Variants in TMEM74 observed in about 807,000 individuals in gnomAD.
The protein encoded by TMEM74 is transmembrane protein 74.
In TMEM74, 13 loss-of-function variants were observed where a neutral mutation model predicts 18.1. The observed-to-expected ratio is 0.72, with a 90% CI of 0.47 to 1.14. TMEM74 has a LOEUF of 1.14. TMEM74 is among the 50% of genes most tolerant of loss of function. The probability of loss-of-function intolerance (pLI) is 0.00; values close to 1 mark genes in which losing one functional copy is unlikely to be tolerated. For synonymous variants in TMEM74, 159 were observed against 146.6 expected (o/e 1.08, Z -0.61); for missense variants, 372 against 375.9 (o/e 0.99, Z 0.09).
At chr8:108,636,018 A>G (rs1205279926) in intron 2 of TMEM74, among the ~76,000 whole-genome samples, 2 of 152,062 alleles carry the variant, frequency 1.3e-5, no homozygotes, top group Non-Finnish European at 2.9e-5. Context: ...GTCCTTTCAT[A>G]TACATTATCT....
intron 2 of TMEM74, among the ~76,000 whole-genome samples, chr8:108,636,309 C>G (rs1379650096): frequency 6.6e-6 from 1 of 151,998 alleles, no homozygotes. Flanking sequence ...CAATTCTGTT[C>G]CCTTAGTTTG....
In TMEM74 at chr8:108,657,862, ATATATATATATATATATATATATAT is replaced by A. The variant is rs1812856039; in HGVS notation, n.120-2450_120-2426del. Among the ~76,000 whole-genome samples, 8 of 48,450 alleles carry A rather than the reference ATATATATATATATATATATATATAT, an allele frequency of 1.7e-4. 1 individual carries two copies. Among genetic ancestry groups the A allele is most frequent in the Admixed American group, 1.1e-3 (4 of 3,504 alleles). The allele number at this position is 48,450 out of a possible 152,430, so 31.8% of individuals were successfully genotyped here. On this transcript the variant is annotated intron_variant and non_coding_transcript_variant, in intron 1 of 3. Coordinates refer to the TMEM74 transcript ENST00000518838. Reference sequence around the variant, plus strand: ...CGTCTCAAAAAAAAAAAAAAAAAATATATATATATATATATATATATATATATATATATATATATATTAATTACAT... The same window carrying A: ...CGTCTCAAAAAAAAAAAAAAAAAATAATATATATATATATATTAATTACAT...
chr8:108,784,979 G>T lies in TMEM74; in HGVS notation c.120C>A (p.Leu40=). The T allele has an allele frequency of 6.2e-7, 1 of 1,614,142 alleles. No homozygotes were observed. The highest frequency in any genetic ancestry group is 8.5e-7 in the Non-Finnish European group (1 of 1,180,036). The change falls in exon 2 of 2, where the codon CTC becomes CTA. Residue 40 remains leucine, a synonymous_variant. Coordinates refer to ENST00000297459, the MANE Select transcript of TMEM74 (RefSeq NM_153015.3). The stretch of plus-strand genomic sequence containing the variant: ...TGGATGCACACTGTTTCTGACAGCA[G>T]AGAGCAGCTCTTGTGGCTGCTGTAT... The part of the protein sequence containing the change: ...QADTAATRAA[L]CCQKQCASTP...
At chr8:108,625,344 C>T (rs1243856747) in intron 2 of TMEM74, among the ~76,000 whole-genome samples, 1 of 151,988 alleles carries the variant, frequency 6.6e-6, no homozygotes, top group African/African-American at 2.4e-5. Flanking sequence ...CCATAAAGAA[C>T]AAATCAAAAT....
intron 1 of TMEM74, among the ~76,000 whole-genome samples, chr8:108,700,661 C>T (rs1469496017): frequency 6.6e-6 from 1 of 152,034 alleles, no homozygotes; most frequent in South Asian, 2.1e-4. Flanking sequence ...ATACATGGGG[C>T]ATTTAATCAT....
At chr8:108,743,565 G>GT (rs1554576568) in intron 1 of TMEM74, among the ~76,000 whole-genome samples, 1 of 152,122 alleles carries the variant, frequency 6.6e-6, no homozygotes, top group Non-Finnish European at 1.5e-5. Flanking sequence ...TTGAAAGGAG[G>GT]TAAGAGGAAA....
At chr8:108,703,973 T>C (rs1052489814) in intron 1 of TMEM74, among the ~76,000 whole-genome samples, 1 of 152,208 alleles carries the variant, frequency 6.6e-6, no homozygotes, top group African/African-American at 2.4e-5. Flanking sequence ...GTTCCCCTAC[T>C]GTGAATAAAT....
rs1331594936 is a variant in TMEM74, at chr8:108,780,551, A to T, written c.*3630T>A. ...AAGGCACACATAAGTTTGGCAGCGC[A>T]GTCTCTTTTCAGAAATTGTACCTTG... is the stretch of plus-strand genomic sequence containing the variant. On this transcript the variant is annotated 3_prime_UTR_variant, in exon 2 of 2. Transcript: ENST00000297459. 6.6e-6 allele frequency among the ~76,000 whole-genome samples: 1 copy of T among 152,234 alleles called. No individual in the cohort carries two copies. Among genetic ancestry groups the T allele is most frequent in the Admixed American group, 6.5e-5 (1 of 15,276 alleles).
At chr8:108,719,985 G>A (rs1159937393) in intron 1 of TMEM74, among the ~76,000 whole-genome samples, 1 of 152,040 alleles carries the variant, frequency 6.6e-6, no homozygotes, top group African/African-American at 2.4e-5. Context: ...TACTAATTGA[G>A]TTTCTACATT....
chr8:108,631,244 T>C (rs983297212), intron 2 of TMEM74, among the ~76,000 whole-genome samples: 2 of 151,954 alleles, frequency 1.3e-5, no homozygotes, highest in South Asian at 2.1e-4. Flanking sequence ...AGATGCTTAA[T>C]AAAAAGTGTC....
intron 2 of TMEM74, among the ~76,000 whole-genome samples, chr8:108,616,647 T>C (rs1419292005): frequency 6.6e-6 from 1 of 152,186 alleles, no homozygotes; most frequent in South Asian, 2.1e-4. Flanking sequence ...CGTACAGTGA[T>C]TTTCATGCCA....
At chr8:108,608,725 G>A (rs1036509662) in intron 3 of TMEM74, 1 of 152,168 alleles carries the variant, frequency 6.6e-6, no homozygotes, top group Non-Finnish European at 1.5e-5. Context: ...CCCACCTTGA[G>A]TGAGCCCATT....
At chr8:108,757,666 T>C (rs540455289) in intron 1 of TMEM74, among the ~76,000 whole-genome samples, 2 of 152,094 alleles carry the variant, frequency 1.3e-5, no homozygotes, top group South Asian at 4.2e-4. Flanking sequence ...GTACCATAGA[T>C]GTACTTTTAA....
At chr8:108,770,190 G>C (rs75325563) in intron 1 of TMEM74, among the ~76,000 whole-genome samples, 3,183 of 152,164 alleles carry the variant, frequency 0.021, 116 homozygotes, top group African/African-American at 0.072. Flanking sequence ...GGAGGAGAAA[G>C]AGGAAGTTCA....
chr8:108,683,995 A>G (rs1813143210), intron 1 of TMEM74, among the ~76,000 whole-genome samples: 1 of 152,064 alleles, frequency 6.6e-6, no homozygotes, highest in Non-Finnish European at 1.5e-5. Flanking sequence ...TTATTTATCC[A>G]TTCACCTGTT....
intron 2 of TMEM74, among the ~76,000 whole-genome samples, chr8:108,629,661 G>A (rs559358953): frequency 1.3e-5 from 2 of 152,176 alleles, no homozygotes; most frequent in South Asian, 4.2e-4. Flanking sequence ...CCAGTCAGAA[G>A]AGAGTGGGGG....
intron 1 of TMEM74, among the ~76,000 whole-genome samples, chr8:108,663,347 CA>C (rs1202201009): frequency 6.6e-6 from 1 of 152,086 alleles, no homozygotes; most frequent in Admixed American, 6.6e-5. Context: ...ATGCGGTCAA[CA>C]AACATATGGA....
intron 1 of TMEM74, among the ~76,000 whole-genome samples, chr8:108,736,196 T>C (rs201447759): frequency 2.6e-5 from 4 of 152,136 alleles, no homozygotes; most frequent in East Asian, 1.9e-4. Context: ...AGCATCACCA[T>C]TGACTGTTAA....
chr8:108,683,912 C>G (rs1813140507), intron 1 of TMEM74, among the ~76,000 whole-genome samples: 1 of 152,006 alleles, frequency 6.6e-6, no homozygotes, highest in African/African-American at 2.4e-5. Flanking sequence ...TCCATCCATG[C>G]TGCTGCAAGT....
Sources: gnomAD v4.1 joint callset for allele counts (sites outside exome capture counted in the v4.1 genomes callset) on GRCh38, gnomAD v4.1.1 for gene constraint, MANE v1.5 for transcripts, NCBI Gene and HGNC (gene_info 2026-07-23, HGNC 2026-07-21) for gene names.